MYO3A: variants seen among roughly 807,000 people sequenced by gnomAD.
MYO3A encodes myosin-IIIa.
MYO3A carries 180 observed loss-of-function variants against 192.7 expected under a neutral mutation model. The ratio of observed to expected loss-of-function variants is 0.93; its 90% confidence interval spans 0.83 to 1.06. MYO3A has a LOEUF of 1.06. Ranked by LOEUF, MYO3A falls within the 50% of genes least tolerant of loss-of-function variation. MYO3A has a pLI of 0.00. For synonymous variants in MYO3A, 628 were observed against 645.3 expected, an observed-to-expected ratio of 0.97 and a Z score of 0.41; for missense variants, 1,896 against 1,905.0, an observed-to-expected ratio of 1.00 and a Z score of 0.09.
chr10:26,009,097 A>G (rs1841441328), intron 6 of MYO3A, among the ~76,000 whole-genome samples: 1 of 151,944 alleles, frequency 6.6e-6, no homozygotes, highest in Non-Finnish European at 1.5e-5. Context: ...TGAAATTGGA[A>G]ATCATCATTC....
chr10:26,079,596 A>G (rs1835796518), intron 14 of MYO3A, among the ~76,000 whole-genome samples: 2 of 151,760 alleles, frequency 1.3e-5, no homozygotes, highest in African/African-American at 2.4e-5. Flanking sequence ...TTTAATTTAT[A>G]TTTTTGTTTC....
At chr10:25,985,595 G>A (rs1839604589) in intron 4 of MYO3A, among the ~76,000 whole-genome samples, 1 of 152,124 alleles carries the variant, frequency 6.6e-6, no homozygotes, top group Non-Finnish European at 1.5e-5. Context: ...AAAATCTAGA[G>A]GAGACAGATA....
chr10:26,152,065 C>G (rs955787507), intron 23 of MYO3A, among the ~76,000 whole-genome samples: 4 of 152,046 alleles, frequency 2.6e-5, no homozygotes, highest in African/African-American at 9.7e-5. Flanking sequence ...TGTTTTTTGC[C>G]CTTATAAAAT....
chr10:25,952,286 A>T lies in MYO3A; in HGVS notation c.168+8A>T, dbSNP rs749371871. The T allele has an allele frequency of 6.2e-7, 1 of 1,611,120 alleles. No individual in the cohort carries two copies. The stretch of plus-strand genomic sequence containing the variant: ...ATTCTTGATCCAATTCACGTAAGTC[A>T]TATTTTTTCCTTCTAATTAGCTTTA... On this transcript the variant is annotated splice_region_variant and intron_variant, in intron 3 of 34. Transcript: ENST00000642920.
At chr10:26,107,475 C>T (rs1837887737) in intron 17 of MYO3A, among the ~76,000 whole-genome samples, 2 of 144,828 alleles carry the variant, frequency 1.4e-5, no homozygotes, top group African/African-American at 5.1e-5. Flanking sequence ...GAGTGAAACA[C>T]CATCTCAAAA....
chr10:26,203,973 C>A (rs911662368), intron 34 of MYO3A: 1 of 152,200 alleles, frequency 6.6e-6, no homozygotes, highest in African/African-American at 2.4e-5. Flanking sequence ...TTACTAATAA[C>A]TGCCTCACCA....
intron 19 of MYO3A, among the ~76,000 whole-genome samples, chr10:26,126,453 T>C (rs1215192188): frequency 6.6e-6 from 1 of 152,184 alleles, no homozygotes. Context: ...CTATGTATAG[T>C]CAAACTGTCT....
chr10:26,177,721 GC>G (rs1051671783), intron 31 of MYO3A, among the ~76,000 whole-genome samples: 2 of 152,154 alleles, frequency 1.3e-5, no homozygotes, highest in African/African-American at 4.8e-5. Flanking sequence ...CAATCTCACT[GC>G]CCCGTTCAGG....
chr10:26,059,435 T>C (rs1481324675), intron 10 of MYO3A, among the ~76,000 whole-genome samples: 2 of 152,220 alleles, frequency 1.3e-5, no homozygotes, highest in African/African-American at 2.4e-5. Flanking sequence ...CATCTATTGA[T>C]ATGATCATGT....
chr10:26,057,102 T>A (rs1834157741), intron 10 of MYO3A, among the ~76,000 whole-genome samples: 1 of 152,242 alleles, frequency 6.6e-6, no homozygotes, highest in Non-Finnish European at 1.5e-5. Flanking sequence ...GTCATTTTAC[T>A]TTCAAGAGGC....
chr10:26,106,501 C>A (rs955637771), intron 17 of MYO3A, among the ~76,000 whole-genome samples: 4 of 151,842 alleles, frequency 2.6e-5, no homozygotes, highest in Non-Finnish European at 5.9e-5. Context: ...ATTTCTTTTT[C>A]TTGTTTGTGC....
chr10:26,069,543 T>C (rs1347228945), intron 12 of MYO3A, among the ~76,000 whole-genome samples: 2 of 152,100 alleles, frequency 1.3e-5, no homozygotes, highest in East Asian at 1.9e-4. Context: ...GTGTGAAAAG[T>C]ACATATCTCT....
At chr10:26,153,445 A>G (rs1487782826) in intron 23 of MYO3A, among the ~76,000 whole-genome samples, 1 of 152,228 alleles carries the variant, frequency 6.6e-6, no homozygotes, top group Non-Finnish European at 1.5e-5. Flanking sequence ...ATTTGCTTAT[A>G]ACCACCTCAT....
chr10:25,992,171 G>A (rs575496594), intron 4 of MYO3A, among the ~76,000 whole-genome samples: 1 of 152,140 alleles, frequency 6.6e-6, no homozygotes, highest in Non-Finnish European at 1.5e-5. Context: ...CCATTTGTTT[G>A]CGTCCTCTTT....
chr10:26,155,593 T>C (rs1336389892), intron 25 of MYO3A, among the ~76,000 whole-genome samples: 2 of 152,204 alleles, frequency 1.3e-5, no homozygotes, highest in East Asian at 3.9e-4. Context: ...AGTGAATGTA[T>C]CCAACTCTCT....
At chr10:26,033,482 C>T (rs571089611) in intron 10 of MYO3A, among the ~76,000 whole-genome samples, 1 of 152,188 alleles carries the variant, frequency 6.6e-6, no homozygotes, top group East Asian at 1.9e-4. Context: ...ATTTTTAGTC[C>T]AAACCAGGAC....
chr10:26,077,806 C>G (rs569724121), intron 14 of MYO3A, among the ~76,000 whole-genome samples: 1 of 152,056 alleles, frequency 6.6e-6, no homozygotes, highest in Admixed American at 6.6e-5. Context: ...CATTTATTGA[C>G]TTGTGTATGT....
rs369426861 is a variant in MYO3A, at chr10:26,147,511, G to T, written c.2587G>T (p.Asp863Tyr). Reference sequence around the variant, plus strand: ...CATTGTGCTACTTTTGAGGTCATCCGACAACAGTGTAATTAGGCAACTAGT... The same window carrying T: ...CATTGTGCTACTTTTGAGGTCATCCTACAACAGTGTAATTAGGCAACTAGT... ...TDIVLLLRSS[D>Y]NSVIRQLVNH... The change falls in exon 23 of 35, where the codon GAC (aspartate) becomes TAC (tyrosine). Residue 863 changes from aspartate (D) to tyrosine (Y), a missense_variant. Transcript: ENST00000642920. 1.2e-6 allele frequency: 2 copies of T among 1,613,920 alleles called. No individual in the cohort carries two copies. The highest frequency in any genetic ancestry group is 1.1e-5 in the South Asian group (1 of 91,062).
rs1298998053 is a variant in MYO3A at position 25,935,758 on chromosome 10, T to G, written c.-90T>G. On this transcript the variant is annotated 5_prime_UTR_variant, in exon 2 of 35. Transcript: ENST00000642920. ...TTGGGTTACAGGCCCAGGGCCCCAG[T>G]GCAGCCTGGACACAGTATTCAAAGT... 2.0e-5 allele frequency: 3 copies of G among 152,212 alleles called. No individual in the cohort carries two copies. The highest frequency in any genetic ancestry group is 7.2e-5 in the African/African-American group (3 of 41,446). The allele number at this position is 152,212 out of a possible 1,614,324, so 9.4% of individuals were successfully genotyped here. A position where few individuals can be genotyped will look rare whatever the true frequency, so the allele number is the denominator to read the frequency against.
Sources: gnomAD v4.1 joint callset for allele counts (sites outside exome capture counted in the v4.1 genomes callset) on GRCh38, gnomAD v4.1.1 for gene constraint, MANE v1.5 for transcripts, NCBI Gene and HGNC (gene_info 2026-07-23, HGNC 2026-07-21) for gene names.